ZNF892: variants seen among roughly 807,000 people sequenced by gnomAD.
The protein encoded by ZNF892 is zinc finger protein 570-like.
At chr2:95,215,420 G>A in the ZNF892 span, 1 of 439,256 alleles carries the variant, frequency 2.3e-6, no homozygotes, top group Non-Finnish European at 4.1e-6. Context: ...CTCTTACAAA[G>A]CATCAGAAAA....
chr2:95,210,237 A>ATGTATATATATATGTGTATATATATGTG, the ZNF892 span, among the ~76,000 whole-genome samples: 12 of 149,594 alleles, frequency 8.0e-5, no homozygotes, highest in African/African-American at 2.9e-4. Flanking sequence ...ATGTGTATAT[A>ATGTATATATATATGTGTATATATATGTG]TGTATATATA....
the ZNF892 span, among the ~76,000 whole-genome samples, chr2:95,247,353 TAACTC>T: frequency 1.3e-4 from 20 of 152,264 alleles, no homozygotes; most frequent in East Asian, 3.7e-3. Flanking sequence ...ATACAAATAT[TAACTC>T]AAGATGGATT....
At chr2:95,218,011 A>G in the ZNF892 span, among the ~76,000 whole-genome samples, 1 of 152,210 alleles carries the variant, frequency 6.6e-6, no homozygotes, top group Admixed American at 6.5e-5. Flanking sequence ...GTAGGATCTA[A>G]GAAGTCCTAA....
the ZNF892 span, among the ~76,000 whole-genome samples, chr2:95,224,819 C>T: frequency 6.6e-6 from 1 of 152,166 alleles, no homozygotes; most frequent in Non-Finnish European, 1.5e-5. Context: ...GGGCCACCAC[C>T]CTCATGAATG....
the ZNF892 span, among the ~76,000 whole-genome samples, chr2:95,237,290 G>A: frequency 1.3e-5 from 2 of 152,080 alleles, no homozygotes; most frequent in African/African-American, 4.8e-5. Flanking sequence ...TGGGACTACA[G>A]GTGCCCACCA....
chr2:95,229,629 G>A, the ZNF892 span, among the ~76,000 whole-genome samples: 1 of 152,138 alleles, frequency 6.6e-6, no homozygotes, highest in African/African-American at 2.4e-5. Context: ...GTATGTATCA[G>A]TTGTTCTTTT....
chr2:95,211,990 G>C, the ZNF892 span, among the ~76,000 whole-genome samples: 1 of 152,134 alleles, frequency 6.6e-6, no homozygotes, highest in Admixed American at 6.5e-5. Flanking sequence ...CAACTCTTAA[G>C]AGAATGGATG....
the ZNF892 span, among the ~76,000 whole-genome samples, chr2:95,225,329 A>G: frequency 2.6e-5 from 4 of 152,200 alleles, no homozygotes; most frequent in Non-Finnish European, 1.5e-5. Flanking sequence ...GGTAGTTTAT[A>G]AGGGTGGAAA....
the ZNF892 span, among the ~76,000 whole-genome samples, chr2:95,243,175 G>A: frequency 6.6e-6 from 1 of 152,150 alleles, no homozygotes; most frequent in African/African-American, 2.4e-5. Context: ...AGGCTGGAGT[G>A]CAGTGGCGTG....
the ZNF892 span, chr2:95,214,653 G>T: frequency 2.5e-6 from 1 of 401,590 alleles, no homozygotes; most frequent in East Asian, 3.6e-5. Flanking sequence ...ACAAAATTCA[G>T]ATATAATTAG....
At chr2:95,210,138 CATGTATATATGTATATAT>C in the ZNF892 span, among the ~76,000 whole-genome samples, 2 of 141,142 alleles carry the variant, frequency 1.4e-5, no homozygotes, top group Admixed American at 7.0e-5. Context: ...TATGTGTATA[CATGTATATATGTATATAT>C]GTGTATATAT....
chr2:95,217,231 T>C, the ZNF892 span, among the ~76,000 whole-genome samples: 1 of 152,198 alleles, frequency 6.6e-6, no homozygotes, highest in Admixed American at 6.5e-5. Context: ...TCTGCCCTTA[T>C]TACCTCATTT....
At chr2:95,212,376 A>G in the ZNF892 span, 1 of 397,408 alleles carries the variant, frequency 2.5e-6, no homozygotes, top group Non-Finnish European at 4.4e-6. Context: ...ACCCATGGAA[A>G]AGTTGAAGTC....
the ZNF892 span, among the ~76,000 whole-genome samples, chr2:95,262,696 G>A: frequency 6.6e-6 from 1 of 152,200 alleles, no homozygotes; most frequent in Non-Finnish European, 1.5e-5. Context: ...CATTTATGGT[G>A]CTGCCGGGAC....
chr2:95,246,214 T>C, the ZNF892 span, among the ~76,000 whole-genome samples: 2 of 152,194 alleles, frequency 1.3e-5, no homozygotes, highest in Admixed American at 6.5e-5. Context: ...GTTCAACATA[T>C]GCAAATCAGT....
the ZNF892 span, among the ~76,000 whole-genome samples, chr2:95,223,725 T>C: frequency 6.6e-6 from 1 of 152,208 alleles, no homozygotes; most frequent in African/African-American, 2.4e-5. Context: ...ATATAATTTA[T>C]ATACCATAAA....
the ZNF892 span, among the ~76,000 whole-genome samples, chr2:95,216,280 C>G: frequency 6.6e-6 from 1 of 152,184 alleles, no homozygotes; most frequent in East Asian, 1.9e-4. Context: ...AGGGTGTTTG[C>G]TTTTGGACTT....
chr2:95,230,099 T>C, the ZNF892 span, among the ~76,000 whole-genome samples: 1 of 152,196 alleles, frequency 6.6e-6, no homozygotes, highest in Non-Finnish European at 1.5e-5. Context: ...ACCATTACTC[T>C]AAGCGAAGTA....
chr2:95,212,211 C>G, the ZNF892 span: 6 of 398,532 alleles, frequency 1.5e-5, no homozygotes, highest in South Asian at 1.3e-4. Flanking sequence ...ATTTCCACAC[C>G]TGATGTAATC....
Sources: allele counts gnomAD v4.1 joint callset (sites outside exome capture counted in the v4.1 genomes callset), GRCh38; gene constraint gnomAD v4.1.1; transcripts MANE v1.5; gene names NCBI Gene and HGNC (gene_info 2026-07-23, HGNC 2026-07-21).